TUBB8B: variants seen among roughly 807,000 people sequenced by gnomAD.
TUBB8B encodes the protein HSA18p11 beta-tubulin 4Q pseudogene.
Under a neutral mutation model 31.9 loss-of-function variants are expected in TUBB8B, and 26 were observed. The ratio of observed to expected loss-of-function variants is 0.81; its 90% CI spans 0.60 to 1.13. The LOEUF (loss-of-function observed/expected upper bound fraction) is 1.13. Ranked by LOEUF, TUBB8B falls within the 50% of genes most tolerant of loss-of-function variation. The pLI is 0.00. For synonymous variants in TUBB8B, 173 were observed against 231.0 expected (o/e 0.75, Z 2.28); for missense variants, 467 against 586.7 (o/e 0.80, Z 2.11).
At chr18:65,578 C>T in the TUBB8B span, among the ~76,000 whole-genome samples, 23 of 152,200 alleles carry the variant, frequency 1.5e-4, no homozygotes, top group African/African-American at 5.3e-4. Context: ...TTCTAAACAC[C>T]ACAATCGGAC....
the TUBB8B span, among the ~76,000 whole-genome samples, chr18:67,820 G>A: frequency 2.0e-5 from 3 of 151,992 alleles, no homozygotes; most frequent in African/African-American, 4.8e-5. Flanking sequence ...CGAGATTCAT[G>A]ACACTCCTAA....
the TUBB8B span, among the ~76,000 whole-genome samples, chr18:72,165 G>A: frequency 0.084 from 8,019 of 95,170 alleles, 260 homozygotes; most frequent in Non-Finnish European, 0.13. Flanking sequence ...GAGACAGAGC[G>A]AGACTCCATC....
intron 3 of TUBB8B, 29 bp from the exon 4 acceptor site, chr18:48,476 C>T (rs12104037): frequency 0.095 from 105,152 of 1,111,368 alleles, 1,228 homozygotes; most frequent in African/African-American, 0.23. Flanking sequence ...GGTCACTCGA[C>T]GGCCAGGTAT....
the TUBB8B span, among the ~76,000 whole-genome samples, chr18:70,990 G>A: frequency 6.6e-6 from 1 of 151,340 alleles, no homozygotes; most frequent in African/African-American, 2.4e-5. Flanking sequence ...GCTCATGCCT[G>A]TAATCCCAGC....
upstream of TUBB8B, among the ~76,000 whole-genome samples, chr18:52,816 G>T (rs1906163545): frequency 6.6e-6 from 1 of 151,850 alleles, no homozygotes; most frequent in South Asian, 2.1e-4. Flanking sequence ...TACAGAGTTG[G>T]ACATCCTCAG....
At chr18:66,318 A>G in the TUBB8B span, among the ~76,000 whole-genome samples, 1 of 152,218 alleles carries the variant, frequency 6.6e-6, no homozygotes, top group Non-Finnish European at 1.5e-5. Flanking sequence ...TTGGGAGGAC[A>G]AGAGAGGAGG....
At position 47,767 on chromosome 18, in the gene TUBB8B, G is replaced by A. The variant is rs558884673; in HGVS notation, c.958C>T (p.Arg320Cys). Residue 320 changes from arginine to cysteine, a missense_variant, in exon 4 of 4, where the codon CGC (arginine) becomes TGC (cysteine). Physicochemically the swap from Arg to Cys is radical, Grantham distance 180 (BLOSUM62 -3). Around this residue, in one of 2 missense-constraint regions of TUBB8B, gnomAD observed 208 missense variants for 206.7 expected, o/e 1.01. Coordinates refer to ENST00000308911, the MANE Select transcript of TUBB8B (RefSeq NM_001358689.2). ...YLTVAAIFRG[R>C]MPMREVDEQM... ...TCATCCACCTCCCTCATGGGCATGCGACCCCTGAAAATGGCAGCCACCGTT... is the reference window on the plus strand; with the variant it reads ...TCATCCACCTCCCTCATGGGCATGCAACCCCTGAAAATGGCAGCCACCGTT... The A allele has an allele frequency of 2.4e-5, 39 of 1,611,332 alleles. No individual in the cohort carries two copies. Among genetic ancestry groups the A allele is most frequent in the South Asian group, 9.9e-5 (9 of 90,990 alleles).
At chr18:55,648 C>T in the TUBB8B span, among the ~76,000 whole-genome samples, 4 of 151,714 alleles carry the variant, frequency 2.6e-5, no homozygotes, top group African/African-American at 9.7e-5. Context: ...TCACCTTCTA[C>T]CAAGTCTCTC....
chr18:48,891 G>C (rs747040978), intron 3 of TUBB8B, 49 bp downstream of exon 3: 2 of 1,319,442 alleles, frequency 1.5e-6, no homozygotes, highest in South Asian at 2.4e-5. Context: ...CCTGGATTTT[G>C]AGCTGCCCTG....
upstream of TUBB8B, among the ~76,000 whole-genome samples, chr18:52,140 A>G (rs1600580726): frequency 6.6e-6 from 1 of 152,002 alleles, no homozygotes; most frequent in South Asian, 2.1e-4. Context: ...GTGCTGTTCT[A>G]ATGTTAGTTT....
At chr18:60,525 C>G in the TUBB8B span, among the ~76,000 whole-genome samples, 6 of 151,250 alleles carry the variant, frequency 4.0e-5, no homozygotes, top group Non-Finnish European at 7.4e-5. Flanking sequence ...CCTTTTTATT[C>G]TAGTGAATTA....
At chr18:61,191 A>G in the TUBB8B span, among the ~76,000 whole-genome samples, 5 of 151,518 alleles carry the variant, frequency 3.3e-5, no homozygotes, top group Non-Finnish European at 5.9e-5. Flanking sequence ...TCTCTTTATT[A>G]TTATATAATG....
chr18:56,385 C>T, the TUBB8B span, among the ~76,000 whole-genome samples: 1 of 151,686 alleles, frequency 6.6e-6, no homozygotes, highest in Admixed American at 6.6e-5. Context: ...ATAGAGATGG[C>T]ATGAAATGTA....
At chr18:69,882 C>G in the TUBB8B span, among the ~76,000 whole-genome samples, 2 of 152,194 alleles carry the variant, frequency 1.3e-5, no homozygotes, top group African/African-American at 4.8e-5. Flanking sequence ...ATTGGCCAGG[C>G]ACAGTGGCTC....
At chr18:58,402 AT>A in the TUBB8B span, among the ~76,000 whole-genome samples, 1 of 151,650 alleles carries the variant, frequency 6.6e-6, no homozygotes, top group Non-Finnish European at 1.5e-5. Context: ...GTGCTTAGAT[AT>A]TTTTTCAACA....
upstream of TUBB8B, among the ~76,000 whole-genome samples, chr18:52,733 C>T (rs146205421): frequency 1.2e-3 from 169 of 143,852 alleles, no homozygotes; most frequent in South Asian, 2.7e-3. Context: ...ATTCTTAGAT[C>T]TTGTGCAGGA....
At chr18:65,906 G>A in the TUBB8B span, among the ~76,000 whole-genome samples, 1 of 152,116 alleles carries the variant, frequency 6.6e-6, no homozygotes, top group Non-Finnish European at 1.5e-5. Context: ...CCAGACACTA[G>A]CAACAAACAA....
At chr18:57,930 G>C in the TUBB8B span, among the ~76,000 whole-genome samples, 2 of 152,020 alleles carry the variant, frequency 1.3e-5, no homozygotes, top group South Asian at 4.2e-4. Context: ...CTGAAGCAGT[G>C]ACTGGAGTTG....
the TUBB8B span, among the ~76,000 whole-genome samples, chr18:68,583 A>G: frequency 3.3e-5 from 5 of 152,262 alleles, no homozygotes; most frequent in South Asian, 1.0e-3. Context: ...CCTCAGCCCA[A>G]TGCTTGCTCT....
Sources: allele counts gnomAD v4.1 joint callset (sites outside exome capture counted in the v4.1 genomes callset), GRCh38; gene constraint gnomAD v4.1.1; regional missense constraint gnomAD v4.1.1; transcripts MANE v1.5; gene names NCBI Gene and HGNC (gene_info 2026-07-23, HGNC 2026-07-21).